MIPOL1: variants seen among roughly 807,000 people sequenced by gnomAD.
MIPOL1 encodes the protein mirror-image polydactyly 1, also known as mirror-image polydactyly gene 1 protein.
A neutral mutation model predicts 60.9 loss-of-function variants in MIPOL1; 57 were observed. The observed-to-expected ratio is 0.94, with a 90% confidence interval of 0.76 to 1.17. The LOEUF is 1.17. Among genes scored for constraint, MIPOL1 ranks in the 50% most tolerant of loss-of-function variants. The probability of loss-of-function intolerance (pLI) is 0.00; values close to 1 mark genes in which losing one functional copy is unlikely to be tolerated. For synonymous variants in MIPOL1, 179 were observed against 168.8 expected (o/e 1.06, Z -0.47); for missense variants, 551 against 511.6 (o/e 1.08, Z -0.74).
In MIPOL1 at chr14:37,422,947, C is replaced by T. The variant is rs1166080837; in HGVS notation, c.1029C>T (p.Tyr343=). ...EEEIQTLRVY[Y]SLHKSLSQEE... is the part of the protein sequence containing the mutation. Reference sequence around the variant, plus strand: ...AAATCCAGACCCTTCGAGTTTACTACAGGTAAAATTCTTTTTAGCCTGGGG... The same window carrying T: ...AAATCCAGACCCTTCGAGTTTACTATAGGTAAAATTCTTTTTAGCCTGGGG... Residue 343 remains tyrosine, a splice_region_variant and synonymous_variant, in exon 11 of 13, where the codon TAC becomes TAT. Coordinates refer to ENST00000684589, the MANE Select transcript of MIPOL1 (RefSeq NM_001388067.1). 6.3e-7 allele frequency: 1 copy of T among 1,588,444 alleles called. No homozygotes were observed. Among genetic ancestry groups the T allele is most frequent in the Admixed American group, 1.7e-5 (1 of 58,936 alleles).
At chr14:37,249,795 CA>C (rs1347291479) in intron 3 of MIPOL1, among the ~76,000 whole-genome samples, 1 of 151,562 alleles carries the variant, frequency 6.6e-6, no homozygotes, top group Non-Finnish European at 1.5e-5. Context: ...TTAAAGAGCT[CA>C]AAAGCATTTT....
chr14:37,353,635 G>T (rs1700225362), intron 9 of MIPOL1, among the ~76,000 whole-genome samples: 1 of 151,156 alleles, frequency 6.6e-6, no homozygotes, highest in African/African-American at 2.4e-5. Context: ...TTAGTCTTGG[G>T]AGAGTGTATG....
chr14:37,428,212 A>G (rs1302265551), intron 11 of MIPOL1, among the ~76,000 whole-genome samples: 1 of 152,208 alleles, frequency 6.6e-6, no homozygotes, highest in Non-Finnish European at 1.5e-5. Context: ...ACTCTCCAAC[A>G]GCCAAAACAA....
chr14:37,362,034 C>G (rs1196834649), intron 9 of MIPOL1, among the ~76,000 whole-genome samples: 1 of 152,144 alleles, frequency 6.6e-6, no homozygotes, highest in Non-Finnish European at 1.5e-5. Context: ...CTCCTGAACA[C>G]AGCACACTGA....
chr14:37,438,150 G>A (rs537311373), intron 11 of MIPOL1, among the ~76,000 whole-genome samples: 1 of 152,150 alleles, frequency 6.6e-6, no homozygotes, highest in Non-Finnish European at 1.5e-5. Context: ...CAACATTTTA[G>A]TGTTCAAAAA....
At chr14:37,226,777 C>T (rs1278475904) in intron 1 of MIPOL1, among the ~76,000 whole-genome samples, 5 of 152,090 alleles carry the variant, frequency 3.3e-5, no homozygotes, top group African/African-American at 1.2e-4. Context: ...GCACACCAGC[C>T]TGGGCAGTGG....
intron 11 of MIPOL1, among the ~76,000 whole-genome samples, chr14:37,469,281 G>GGAGCAGATATGTCACA (rs1467151126): frequency 6.6e-6 from 1 of 152,142 alleles, no homozygotes; most frequent in Non-Finnish European, 1.5e-5. Context: ...AGGCAAAGGG[G>GGAGCAGATATGTCACA]GAGCAGATAT....
At chr14:37,472,430 T>C (rs1434858002) in intron 11 of MIPOL1, among the ~76,000 whole-genome samples, 1 of 66,860 alleles carries the variant, frequency 1.5e-5, no homozygotes, top group Non-Finnish European at 3.0e-5. Context: ...TTTCCAATTA[T>C]GGAGAAACTA....
At chr14:37,334,625 A>G (rs1301706901) in intron 9 of MIPOL1, among the ~76,000 whole-genome samples, 7 of 151,918 alleles carry the variant, frequency 4.6e-5, no homozygotes. Context: ...TATCAACCCC[A>G]AAAGAACCCC....
chr14:37,361,008 G>T (rs1026028805), intron 9 of MIPOL1, among the ~76,000 whole-genome samples: 5 of 152,158 alleles, frequency 3.3e-5, no homozygotes, highest in African/African-American at 9.7e-5. Flanking sequence ...CAGAGATTCT[G>T]TTACGTTGTA....
chr14:37,479,123 T>A (rs1358466873), intron 11 of MIPOL1, among the ~76,000 whole-genome samples: 1 of 152,136 alleles, frequency 6.6e-6, no homozygotes. Context: ...ACCCCCACTT[T>A]AAACAATGGA....
chr14:37,239,946 G>T (rs74390803), intron 1 of MIPOL1, among the ~76,000 whole-genome samples: 1 of 152,078 alleles, frequency 6.6e-6, no homozygotes, highest in Non-Finnish European at 1.5e-5. Context: ...AATGAAGTAC[G>T]TAGGTTGCAT....
intron 11 of MIPOL1, among the ~76,000 whole-genome samples, chr14:37,431,701 C>A (rs2094072214): frequency 6.7e-6 from 1 of 150,182 alleles, no homozygotes; most frequent in African/African-American, 2.4e-5. Context: ...GCCTCAGCCT[C>A]CCAACTAGCT....
chr14:37,439,885 G>T (rs2094215274), intron 11 of MIPOL1, among the ~76,000 whole-genome samples: 1 of 152,038 alleles, frequency 6.6e-6, no homozygotes, highest in Non-Finnish European at 1.5e-5. Flanking sequence ...TTGAGACAGG[G>T]TCTTCCTCTG....
chr14:37,273,511 CT>C (rs1372239553), intron 6 of MIPOL1, among the ~76,000 whole-genome samples: 1 of 150,936 alleles, frequency 6.6e-6, no homozygotes, highest in Non-Finnish European at 1.5e-5. Flanking sequence ...AGTCTTTCAG[CT>C]TTTCCTTGTA....
intron 7 of MIPOL1, among the ~76,000 whole-genome samples, chr14:37,295,112 G>A (rs1048466217): frequency 6.6e-6 from 1 of 152,228 alleles, no homozygotes; most frequent in Non-Finnish European, 1.5e-5. Flanking sequence ...TGTCTCAGCA[G>A]AAACTCTACG....
intron 6 of MIPOL1, among the ~76,000 whole-genome samples, chr14:37,273,372 G>A (rs1193867180): frequency 6.6e-6 from 1 of 150,454 alleles, no homozygotes; most frequent in African/African-American, 2.4e-5. Flanking sequence ...TTCAAAAGAT[G>A]TGATTTTTTT....
At position 37,268,678 on chromosome 14, in the gene MIPOL1, A is replaced by T. The variant is rs1384238299; in HGVS notation, c.272A>T (p.Asn91Ile). ...TACAGCGTTATGGAACATAGACATA[A>T]TGATATGCATTATGAATGTATGACT... ...EKYNVMEHRH[N>I]DMHYECMTPC... The change falls in exon 5 of 13, where the codon AAT (asparagine) becomes ATT (isoleucine). Residue 91 changes from asparagine to isoleucine, a missense_variant. Coordinates refer to ENST00000684589, the MANE Select transcript of MIPOL1 (RefSeq NM_001388067.1). 2 of 1,597,290 alleles carry T rather than the reference A, an allele frequency of 1.3e-6. No homozygotes were observed. The highest frequency in any genetic ancestry group is 3.5e-5 in the Admixed American group (2 of 56,786).
At chr14:37,265,883 C>T (rs2082838554) in intron 3 of MIPOL1, among the ~76,000 whole-genome samples, 1 of 151,918 alleles carries the variant, frequency 6.6e-6, no homozygotes, top group Non-Finnish European at 1.5e-5. Flanking sequence ...TTCTGATGAG[C>T]CTTTTGAAAT....
Sources: allele counts gnomAD v4.1 joint callset (sites outside exome capture counted in the v4.1 genomes callset), GRCh38; gene constraint gnomAD v4.1.1; transcripts MANE v1.5; gene names NCBI Gene and HGNC (gene_info 2026-07-23, HGNC 2026-07-21).